Variants in DPYSL5 observed in about 807,000 individuals in gnomAD.
The protein encoded by DPYSL5 is dihydropyrimidinase-related protein 5.
Under a neutral mutation model 58.4 loss-of-function variants are expected in DPYSL5, and 9 were observed. The ratio of observed to expected loss-of-function variants is 0.15; its 90% CI spans 0.09 to 0.27. DPYSL5 has a LOEUF of 0.27. DPYSL5 is among the 10% of genes least tolerant of loss of function. The probability of loss-of-function intolerance (pLI) is 1.00; values close to 1 mark genes in which losing one functional copy is unlikely to be tolerated. For missense variants in DPYSL5, 499 were observed against 770.6 expected (o/e 0.65, Z 4.17); for synonymous variants, 293 against 301.9 (o/e 0.97, Z 0.31).
intron 6 of DPYSL5, among the ~76,000 whole-genome samples, chr2:26,932,803 A>G (rs1665065007): frequency 6.6e-6 from 1 of 152,190 alleles, no homozygotes. Flanking sequence ...TATTTTGTTC[A>G]TCTCCAGGGT....
rs565426413 is a variant in DPYSL5 at position 26,857,721 on chromosome 2, G to C, written c.-5+9467G>C. On this transcript the variant is annotated intron_variant, in intron 1 of 12. Coordinates refer to ENST00000288699, the MANE Select transcript of DPYSL5 (RefSeq NM_020134.4). ...ACTGCCTTTTTTAAATTTAGAAATA[G>C]AATTATGACATGTATCTTATTTTCT... Among the ~76,000 whole-genome samples the C allele has an allele frequency of 2.0e-5, 3 of 152,180 alleles. No homozygotes were observed. In the East Asian group the frequency reaches 5.8e-4, roughly 29 times the overall value.
chr2:26,890,865 TGA>T (rs1663862424), intron 1 of DPYSL5, among the ~76,000 whole-genome samples: 1 of 152,168 alleles, frequency 6.6e-6, no homozygotes, highest in Admixed American at 6.5e-5. Flanking sequence ...TTCCTGTGCC[TGA>T]GAGAGAAAGC....
intron 2 of DPYSL5, among the ~76,000 whole-genome samples, chr2:26,904,842 T>G (rs550051616): frequency 6.6e-6 from 1 of 152,328 alleles, no homozygotes; most frequent in South Asian, 2.1e-4. Context: ...AAGTTGAGGC[T>G]GCAGTGAGCT....
At chr2:26,899,845 G>T (rs62128446) in intron 2 of DPYSL5, among the ~76,000 whole-genome samples, 4,577 of 152,264 alleles carry the variant, frequency 0.03, 110 homozygotes, top group Middle Eastern at 0.078. Flanking sequence ...GGGAAGAGAG[G>T]TGGTAGGCCG....
chr2:26,894,578 A>C (rs949732008), intron 1 of DPYSL5, among the ~76,000 whole-genome samples: 1 of 152,190 alleles, frequency 6.6e-6, no homozygotes, highest in Non-Finnish European at 1.5e-5. Flanking sequence ...GATGGTTGCC[A>C]TTATTCTATG....
At chr2:26,855,877 A>G (rs1665866530) in intron 1 of DPYSL5, among the ~76,000 whole-genome samples, 1 of 152,086 alleles carries the variant, frequency 6.6e-6, no homozygotes, top group South Asian at 2.1e-4. Flanking sequence ...TTGTAGATTG[A>G]TATGTTTGTT....
At chr2:26,859,064 T>G (rs1005642813) in intron 1 of DPYSL5, among the ~76,000 whole-genome samples, 2 of 152,218 alleles carry the variant, frequency 1.3e-5, no homozygotes, top group African/African-American at 4.8e-5. Flanking sequence ...TTCTGTTCTT[T>G]CATCAAAACT....
intron 2 of DPYSL5, among the ~76,000 whole-genome samples, chr2:26,906,211 G>A (rs1166546989): frequency 6.9e-6 from 1 of 144,256 alleles, no homozygotes; most frequent in Non-Finnish European, 1.5e-5. Context: ...TTGAGACAGA[G>A]TCTTGCTCTG....
At chr2:26,910,911 T>C (rs1257376162) in intron 2 of DPYSL5, among the ~76,000 whole-genome samples, 1 of 152,094 alleles carries the variant, frequency 6.6e-6, no homozygotes. Context: ...TTTTTTTATT[T>C]CTACTTCATG....
intron 1 of DPYSL5, among the ~76,000 whole-genome samples, chr2:26,863,109 C>A (rs1180775212): frequency 6.6e-6 from 1 of 152,194 alleles, no homozygotes; most frequent in Non-Finnish European, 1.5e-5. Context: ...TCCTCAGAAT[C>A]CATATGGGGA....
intron 4 of DPYSL5, 109 bp from the exon 5 acceptor site, chr2:26,928,146 C>G: frequency 8.7e-7 from 1 of 1,152,158 alleles, no homozygotes; most frequent in Non-Finnish European, 1.3e-6. Context: ...AGAAGCAAGC[C>G]TATTGAAACA....
chr2:26,929,328 G>A (rs1287788657), intron 5 of DPYSL5, among the ~76,000 whole-genome samples: 2 of 152,138 alleles, frequency 1.3e-5, no homozygotes, highest in Admixed American at 6.5e-5. Flanking sequence ...TGCATCCCGG[G>A]TTCAAGCCAT....
At chr2:26,874,439 C>T (rs1476799370) in intron 1 of DPYSL5, among the ~76,000 whole-genome samples, 1 of 152,112 alleles carries the variant, frequency 6.6e-6, no homozygotes, top group Non-Finnish European at 1.5e-5. Context: ...AAATGGATAT[C>T]CATTTGTTCT....
Position 26,949,257 on chromosome 2 carries a change from C to T in DPYSL5, c.*2262C>T, listed in dbSNP as rs1572728372. The T allele has an allele frequency of 1.3e-5, 2 of 152,356 alleles. No individual in the cohort carries two copies. The highest frequency in any genetic ancestry group is 2.1e-4 in the South Asian group (1 of 4,828). 9.4% of individuals were successfully genotyped at this position (152,356 alleles called of 1,614,324 possible). ...ATTCTGTGTTTGAGCCAAGACTAGT[C>T]ACCCATTGGGGGCTAACCGTGCAGT... On this transcript the variant is annotated 3_prime_UTR_variant, in exon 13 of 13. Transcript: ENST00000288699.
Position 26,934,447 on chromosome 2 carries a change from C to A in DPYSL5, c.791-131C>A. On this transcript the variant is annotated intron_variant, in intron 7 of 12. Transcript: ENST00000288699. The surrounding 1 kb of genome is among the most constrained non-coding windows in gnomAD (Gnocchi z 4.3). ...TTGAACCCAGCTGTGCTCTTAAAAG[C>A]CCTGTGAGCTTGGGCAGGTCCCTTC... is the stretch of plus-strand genomic sequence containing the variant. 2.7e-6 allele frequency: 3 copies of A among 1,096,058 alleles called. No homozygotes were observed. The highest frequency in any genetic ancestry group is 2.6e-6 in the Non-Finnish European group (2 of 777,580). The allele number at this position is 1,096,058 out of a possible 1,614,324, so 67.9% of individuals were successfully genotyped here. A position where few individuals can be genotyped will look rare whatever the true frequency, so the allele number is the denominator to read the frequency against.
chr2:26,942,777 G>A lies in DPYSL5; in HGVS notation c.1440+27G>A, dbSNP rs1175058200. On this transcript the variant is annotated intron_variant, in intron 11 of 12. Transcript: ENST00000288699. The surrounding 1 kb of genome is among the most constrained non-coding windows in gnomAD (Gnocchi z 5.9). ...TGAGGTGGGAGGAGGAAGATGCAGG[G>A]GTGTTGGCGCCCCCTGCCGGGGAAC... 2 of 1,605,554 alleles carry A rather than the reference G, an allele frequency of 1.2e-6. No homozygotes were observed. The highest frequency in any genetic ancestry group is 1.7e-6 in the Non-Finnish European group (2 of 1,173,330).
chr2:26,934,740 G>A lies in DPYSL5; in HGVS notation c.947+6G>A. 6.2e-7 allele frequency: 1 copy of A among 1,614,032 alleles called. No individual in the cohort carries two copies. On this transcript the variant is annotated splice_donor_region_variant and intron_variant, in intron 8 of 12. Coordinates refer to ENST00000288699, the MANE Select transcript of DPYSL5 (RefSeq NM_020134.4). The surrounding 1 kb of genome is among the most constrained non-coding windows in gnomAD (Gnocchi z 4.3). ...CTCATGAGCCTGCTGGCCAAGTAAG[G>A]CGTTTCAGCAGCACATTGCAGGGAT...
At chr2:26,907,464 C>CGGCT (rs1664325474) in intron 2 of DPYSL5, among the ~76,000 whole-genome samples, 1 of 151,900 alleles carries the variant, frequency 6.6e-6, no homozygotes, top group Non-Finnish European at 1.5e-5. Context: ...CTTCATCTCA[C>CGGCT]GGCTCTCTCT....
At chr2:26,891,707 CTG>C (rs966013242) in intron 1 of DPYSL5, among the ~76,000 whole-genome samples, 8 of 151,942 alleles carry the variant, frequency 5.3e-5, no homozygotes, top group African/African-American at 1.9e-4. Flanking sequence ...GAGTCTCGCT[CTG>C]TTGCCCAGGC....
Sources: gnomAD v4.1 joint callset for allele counts (sites outside exome capture counted in the v4.1 genomes callset) on GRCh38, gnomAD v4.1.1 for gene constraint, Gnocchi (gnomAD v3.1) non-coding constraint, MANE v1.5 for transcripts, NCBI Gene and HGNC (gene_info 2026-07-23, HGNC 2026-07-21) for gene names.